Variants in DKK2 observed in about 807,000 individuals in gnomAD.
The protein encoded by DKK2 is dickkopf Wnt signaling pathway inhibitor 2.
In DKK2, 11 loss-of-function variants were observed where a neutral mutation model predicts 28.1. The observed-to-expected ratio is 0.39, with a 90% CI of 0.25 to 0.65. The LOEUF (loss-of-function observed/expected upper bound fraction) is 0.65. Ranked by LOEUF, DKK2 falls within the 30% of genes least tolerant of loss-of-function variation. The pLI is 0.47. For synonymous variants in DKK2, 135 were observed against 126.5 expected, an observed-to-expected ratio of 1.07 and a Z score of -0.45; for missense variants, 326 against 335.5, an observed-to-expected ratio of 0.97 and a Z score of 0.22.
At chr4:106,990,952 C>T (rs533280529) in intron 1 of DKK2, among the ~76,000 whole-genome samples, 2 of 151,916 alleles carry the variant, frequency 1.3e-5, no homozygotes, top group South Asian at 2.1e-4. Flanking sequence ...AAATCAATAG[C>T]TCGAATATTT....
chr4:106,953,120 C>A (rs1242593162), intron 1 of DKK2, among the ~76,000 whole-genome samples: 1 of 152,106 alleles, frequency 6.6e-6, no homozygotes, highest in Non-Finnish European at 1.5e-5. Context: ...TCCTAGGTAA[C>A]CACGTTTATT....
intron 1 of DKK2, among the ~76,000 whole-genome samples, chr4:106,990,883 T>C (rs562064830): frequency 1.3e-5 from 2 of 152,212 alleles, no homozygotes; most frequent in East Asian, 3.9e-4. Context: ...AAGACCTGTC[T>C]ATCTTTTTAT....
chr4:106,989,901 A>C (rs1462833853), intron 1 of DKK2, among the ~76,000 whole-genome samples: 1 of 152,222 alleles, frequency 6.6e-6, no homozygotes. Context: ...CACATTTAAA[A>C]GTTAAATGAA....
chr4:106,924,047 C>T lies in DKK2; in HGVS notation c.687G>A (p.Gln229=). ...ACAGGCCCTTCGCACAGTCGCAACG[C>T]TGGAAAATTTCCAGCCCATGAGAAC... ...KKGSHGLEIF[Q]RCDCAKGLSC... Residue 229 remains glutamine, a synonymous_variant, in exon 4 of 4, where the codon CAG becomes CAA. Transcript: ENST00000285311. 1.2e-6 allele frequency: 2 copies of T among 1,613,998 alleles called. No individual in the cohort carries two copies. The highest frequency in any genetic ancestry group is 1.7e-6 in the Non-Finnish European group (2 of 1,179,928).
rs112510274 is a variant in DKK2, at chr4:107,003,532, G to A, written c.222+31838C>T. ...AGCATATACCTTCATTGCACAGAGC[G>A]CTAACCAAAGATCAGTAGCACTGCC... On this transcript the variant is annotated intron_variant, in intron 1 of 3. Transcript: ENST00000285311. Among the ~76,000 whole-genome samples the A allele has an allele frequency of 7.7e-3, 1,170 of 152,294 alleles. 11 individuals carry two copies. The highest frequency in any genetic ancestry group is 0.017 in the Middle Eastern group (5 of 294).
At chr4:107,015,067 G>A (rs1723575112) in intron 1 of DKK2, among the ~76,000 whole-genome samples, 1 of 151,472 alleles carries the variant, frequency 6.6e-6, no homozygotes, top group Non-Finnish European at 1.5e-5. Context: ...TGCATGTGCT[G>A]AAACATTTCT....
chr4:107,027,392 T>C (rs1226052341), intron 1 of DKK2, among the ~76,000 whole-genome samples: 3 of 151,942 alleles, frequency 2.0e-5, no homozygotes, highest in Non-Finnish European at 2.9e-5. Context: ...CCATGAAATG[T>C]GTTTCACTCT....
At chr4:107,005,392 T>A (rs1306772234) in intron 1 of DKK2, among the ~76,000 whole-genome samples, 4 of 151,658 alleles carry the variant, frequency 2.6e-5, no homozygotes, top group Non-Finnish European at 4.4e-5. Context: ...TTGTTTTGAT[T>A]TAAGCCATTA....
chr4:106,981,287 T>C (rs942382481), intron 1 of DKK2, among the ~76,000 whole-genome samples: 1 of 152,140 alleles, frequency 6.6e-6, no homozygotes, highest in African/African-American at 2.4e-5. Flanking sequence ...TGCAAATAAA[T>C]ATTTCTAGCC....
intron 1 of DKK2, among the ~76,000 whole-genome samples, chr4:106,964,939 GATTAGAT>G (rs1455177524): frequency 6.8e-6 from 1 of 147,624 alleles, no homozygotes; most frequent in Non-Finnish European, 1.5e-5. Context: ...AGAGATGATA[GATTAGAT>G]ATAGATAGAT....
intron 1 of DKK2, among the ~76,000 whole-genome samples, chr4:107,026,811 CTGT>C (rs1723787423): frequency 6.6e-6 from 1 of 152,104 alleles, no homozygotes; most frequent in Admixed American, 6.5e-5. Flanking sequence ...GTTGTGGTTG[CTGT>C]TATTTCTGGC....
In DKK2 at chr4:106,954,776, C is replaced by G. The variant is rs555079778; in HGVS notation, c.223-28827G>C. On this transcript the variant is annotated intron_variant, in intron 1 of 3. Transcript: ENST00000285311. ...GACCTCGTGATCTGCCTGCCTCGCC[C>G]TCGCAAAGTGCTGGGATTACAGGCA... Among the ~76,000 whole-genome samples the G allele has an allele frequency of 2.6e-5, 4 of 152,268 alleles. No individual in the cohort carries two copies. In the South Asian group the frequency reaches 8.3e-4, roughly 32 times the overall value.
Position 106,970,926 on chromosome 4 carries a change from C to T in DKK2, c.223-44977G>A, listed in dbSNP as rs563499643. ...TAGAGAGGTGAAGTTTCCAAAATGTCAACATTTGGAAACAGAAAAAAGGAA... is the reference window on the plus strand; with the variant it reads ...TAGAGAGGTGAAGTTTCCAAAATGTTAACATTTGGAAACAGAAAAAAGGAA... On this transcript the variant is annotated intron_variant, in intron 1 of 3. Coordinates refer to ENST00000285311, the MANE Select transcript of DKK2 (RefSeq NM_014421.3). 3.9e-5 allele frequency among the ~76,000 whole-genome samples: 6 copies of T among 152,020 alleles called. No individual in the cohort carries two copies. In the East Asian group the frequency reaches 1.2e-3, roughly 29 times the overall value.
chr4:107,001,531 T>G (rs998037778), intron 1 of DKK2, among the ~76,000 whole-genome samples: 1 of 152,138 alleles, frequency 6.6e-6, no homozygotes, highest in Non-Finnish European at 1.5e-5. Flanking sequence ...GCAACAGAAC[T>G]AGAATTTAAA....
intron 1 of DKK2, among the ~76,000 whole-genome samples, chr4:106,982,879 A>AG (rs1723045798): frequency 1.3e-5 from 2 of 151,832 alleles, no homozygotes; most frequent in South Asian, 4.2e-4. Context: ...CTCAAAAAAA[A>AG]AAAAAATCAA....
intron 1 of DKK2, among the ~76,000 whole-genome samples, chr4:107,005,883 C>T (rs1419253257): frequency 2.6e-5 from 4 of 152,246 alleles, no homozygotes; most frequent in Admixed American, 1.3e-4. Context: ...TAATAAACTT[C>T]GACTTCTAGA....
intron 1 of DKK2, among the ~76,000 whole-genome samples, chr4:107,006,410 G>C (rs1723438907): frequency 1.3e-5 from 2 of 152,072 alleles, no homozygotes; most frequent in South Asian, 4.1e-4. Context: ...AGTCCTCCCT[G>C]GTCTCAGATC....
At chr4:107,007,958 AAAG>A (rs749599717) in intron 1 of DKK2, among the ~76,000 whole-genome samples, 1 of 152,116 alleles carries the variant, frequency 6.6e-6, no homozygotes, top group Non-Finnish European at 1.5e-5. Flanking sequence ...CCAGAGTGAG[AAAG>A]CTTCCCAAAC....
chr4:106,970,882 CA>C (rs1285307010), intron 1 of DKK2, among the ~76,000 whole-genome samples: 1 of 152,094 alleles, frequency 6.6e-6, no homozygotes, highest in East Asian at 1.9e-4. Flanking sequence ...TAAATGCAAT[CA>C]AGCACTTTGA....
Sources: gnomAD v4.1 joint callset for allele counts (sites outside exome capture counted in the v4.1 genomes callset) on GRCh38, gnomAD v4.1.1 for gene constraint, MANE v1.5 for transcripts, NCBI Gene and HGNC (gene_info 2026-07-23, HGNC 2026-07-21) for gene names.